The following PGBD2 variants were observed in gnomAD, a reference collection of about 807,000 sequenced individuals.
PGBD2 encodes the protein piggyBac transposable element-derived protein 2.
In PGBD2, 6 loss-of-function variants were observed where a neutral mutation model predicts 8.1. That is an observed-to-expected ratio of 0.74 (90% CI 0.40 to 1.46). The LOEUF (loss-of-function observed/expected upper bound fraction) is 1.46. Ranked by LOEUF, PGBD2 falls within the 40% of genes most tolerant of loss-of-function variation. The pLI is 0.02. For missense variants in PGBD2, 802 were observed against 739.0 expected (o/e 1.09, Z -0.99); for synonymous variants, 318 against 272.2 (o/e 1.17, Z -1.66).
chr1:248,920,689 T>C (rs374309938), downstream of PGBD2, among the ~76,000 whole-genome samples: 14 of 152,338 alleles, frequency 9.2e-5, no homozygotes, highest in East Asian at 2.1e-3. Flanking sequence ...AAATGGTATT[T>C]CTAGTTCTAG....
chr1:248,897,803 T>A, the PGBD2 span, among the ~76,000 whole-genome samples: 1 of 136,236 alleles, frequency 7.3e-6, no homozygotes, highest in Non-Finnish European at 1.5e-5. Context: ...CATGGGCCAG[T>A]GGCAGCGACT....
chr1:248,914,205 G>A (rs933288762), intron 2 of PGBD2, among the ~76,000 whole-genome samples: 1 of 152,206 alleles, frequency 6.6e-6, no homozygotes, highest in Admixed American at 6.5e-5. Context: ...TCATGCCTGG[G>A]GTTTGAACAG....
rs1661999920 is a variant in PGBD2, at chr1:248,913,897, T to C, written c.17+18T>C. ...ACATCCAGGTAGGAGTGCTGTTTGA[T>C]CAAATGTTTTATTGAAGAATTTATT... is the stretch of plus-strand genomic sequence containing the variant. On this transcript the variant is annotated intron_variant, in intron 2 of 2. Coordinates refer to ENST00000329291, the MANE Select transcript of PGBD2 (RefSeq NM_170725.3). The C allele has an allele frequency of 6.2e-7, 1 of 1,602,018 alleles. No homozygotes were observed. The highest frequency in any genetic ancestry group is 1.3e-5 in the African/African-American group (1 of 74,616).
upstream of PGBD2, among the ~76,000 whole-genome samples, chr1:248,904,132 T>G (rs1174200341): frequency 9.9e-5 from 15 of 151,968 alleles, no homozygotes; most frequent in Non-Finnish European, 1.6e-4. Context: ...CAAACTAGGC[T>G]GCAAGGCTTT....
Position 248,917,712 on chromosome 1 carries a change from G to C in PGBD2, c.1128G>C (p.Glu376Asp), listed in dbSNP as rs770108397. ...KGVKATGTVR[E>D]YRTERCPLKD... ...TGAAAGCCACAGGAACTGTTCGTGA[G>C]TACAGGACTGAGCGATGTCCCCTAA... Residue 376 changes from glutamate (E) to aspartate (D), a missense_variant, in exon 3 of 3, where the codon GAG becomes GAC. Coordinates refer to ENST00000329291, the MANE Select transcript of PGBD2 (RefSeq NM_170725.3). 6.2e-7 allele frequency: 1 copy of C among 1,614,226 alleles called. No individual in the cohort carries two copies. The highest frequency in any genetic ancestry group is 1.7e-5 in the Admixed American group (1 of 60,026).
chr1:248,916,217 T>C (rs1307644215), intron 2 of PGBD2, among the ~76,000 whole-genome samples: 1 of 152,052 alleles, frequency 6.6e-6, no homozygotes, highest in Non-Finnish European at 1.5e-5. Flanking sequence ...ATCCATACCA[T>C]CCTGACTAAC....
the PGBD2 span, among the ~76,000 whole-genome samples, chr1:248,898,596 C>T: frequency 6.6e-6 from 1 of 152,186 alleles, no homozygotes; most frequent in African/African-American, 2.4e-5. Flanking sequence ...CTGGCAGGAG[C>T]TCCTGAAGGA....
the PGBD2 span, among the ~76,000 whole-genome samples, chr1:248,890,298 T>C: frequency 5.9e-5 from 9 of 152,278 alleles, no homozygotes; most frequent in African/African-American, 2.2e-4. Flanking sequence ...CCCACAGGTT[T>C]GTTTTCTGAA....
chr1:248,915,388 C>A (rs1405082253), intron 2 of PGBD2, among the ~76,000 whole-genome samples: 1 of 152,316 alleles, frequency 6.6e-6, no homozygotes, highest in East Asian at 1.9e-4. Flanking sequence ...TTTTCACTTT[C>A]AGTCCAGTAG....
At chr1:248,874,288 C>G in the PGBD2 span, among the ~76,000 whole-genome samples, 1 of 152,296 alleles carries the variant, frequency 6.6e-6, no homozygotes, top group East Asian at 1.9e-4. Flanking sequence ...GCTCTCACCG[C>G]CGCGGCCCGG....
intron 1 of PGBD2, among the ~76,000 whole-genome samples, chr1:248,907,144 G>A (rs986765776): frequency 6.6e-6 from 1 of 152,152 alleles, no homozygotes; most frequent in African/African-American, 2.4e-5. Context: ...AGGAGAGCAG[G>A]GTGATAAGGA....
At chr1:248,874,896 GTAGATAGAGATAGATAGATAGA>G in the PGBD2 span, among the ~76,000 whole-genome samples, 1 of 143,168 alleles carries the variant, frequency 7.0e-6, no homozygotes, top group Non-Finnish European at 1.5e-5. Flanking sequence ...AGATAGATAG[GTAGATAGAGATAGATAGATAGA>G]TAGATAGATA....
the PGBD2 span, among the ~76,000 whole-genome samples, chr1:248,888,459 T>C: frequency 9.9e-5 from 15 of 152,252 alleles, no homozygotes; most frequent in African/African-American, 3.6e-4. Context: ...TGAGATGATA[T>C]CTCATTGTGG....
At chr1:248,928,117 T>A in the PGBD2 span, among the ~76,000 whole-genome samples, 1 of 152,206 alleles carries the variant, frequency 6.6e-6, no homozygotes, top group Non-Finnish European at 1.5e-5. Flanking sequence ...CTTTCCCTGC[T>A]TTTTTGTCCC....
At chr1:248,905,930 C>G (rs1167815927), upstream of PGBD2, among the ~76,000 whole-genome samples, 2 of 152,212 alleles carry the variant, frequency 1.3e-5, no homozygotes, top group African/African-American at 4.8e-5. Context: ...CCAGGTGAAG[C>G]TGCTGTTAGA....
At chr1:248,899,710 A>G in the PGBD2 span, among the ~76,000 whole-genome samples, 21 of 151,996 alleles carry the variant, frequency 1.4e-4, no homozygotes, top group African/African-American at 4.8e-4. Flanking sequence ...AAGACAAGAA[A>G]TAACCAAGAT....
At chr1:248,903,192 T>G (rs553602773), upstream of PGBD2, among the ~76,000 whole-genome samples, 5 of 152,196 alleles carry the variant, frequency 3.3e-5, no homozygotes, top group African/African-American at 4.8e-5. Flanking sequence ...ACTTTAAATT[T>G]ATTTTTATTT....
At position 248,917,182 on chromosome 1, in the gene PGBD2, T is replaced by C. The variant is rs1241662237; in HGVS notation, c.598T>C (p.Phe200Leu). Residue 200 changes from phenylalanine (F) to leucine (L), a missense_variant, in exon 3 of 3, where the codon TTC becomes CTC. Transcript: ENST00000329291. ...CATCTCTTATCCAAGGAGAAGGATG[T>C]TCTGGGAAACCTCTCCCGATTCACA... is the stretch of plus-strand genomic sequence containing the variant. ...GYISYPRRRM[F>L]WETSPDSHHH... 6.2e-7 allele frequency: 1 copy of C among 1,614,040 alleles called. No individual in the cohort carries two copies. Among genetic ancestry groups the C allele is most frequent in the Non-Finnish European group, 8.5e-7 (1 of 1,180,032 alleles).
rs768825477 is a variant in PGBD2 at position 248,916,931 on chromosome 1, A to G, written c.347A>G (p.Asp116Gly). 1 of 1,613,834 alleles carries G rather than the reference A, an allele frequency of 6.2e-7. No homozygotes were observed. Among genetic ancestry groups the G allele is most frequent in the East Asian group, 2.2e-5 (1 of 44,868 alleles). Residue 116 changes from aspartate to glycine, a missense_variant, in exon 3 of 3, where the codon GAT becomes GGT. By Grantham distance (94) the Asp-to-Gly change is moderately conservative. Transcript: ENST00000329291. ...CCTCAGCGCATTTGGACCAAAAGAG[A>G]TATTCGTCCAGACTTTGGCAGTTGG... is the stretch of plus-strand genomic sequence containing the variant. ...VKPQRIWTKR[D>G]IRPDFGSWTA... is the part of the protein sequence containing the mutation.
Sources: allele counts gnomAD v4.1 joint callset (sites outside exome capture counted in the v4.1 genomes callset), GRCh38; gene constraint gnomAD v4.1.1; transcripts MANE v1.5; gene names NCBI Gene and HGNC (gene_info 2026-07-23, HGNC 2026-07-21).